Variants in BCKDHB observed in about 807,000 individuals in gnomAD.
BCKDHB encodes the protein 2-oxoisovalerate dehydrogenase subunit beta, mitochondrial.
BCKDHB carries 41 observed loss-of-function variants against 48.5 expected under a neutral mutation model. The ratio of observed to expected loss-of-function variants is 0.85; its 90% CI spans 0.66 to 1.10. BCKDHB has a LOEUF of 1.10. Among genes scored for constraint, BCKDHB ranks in the 50% least tolerant of loss-of-function variants. The pLI, the probability that BCKDHB is intolerant of heterozygous loss-of-function variation, is 0.00. For synonymous variants in BCKDHB, 201 were observed against 174.8 expected (o/e 1.15, Z -1.18); for missense variants, 496 against 494.2 (o/e 1.00, Z -0.03).
chr6:80,428,501 G>T, the BCKDHB span, among the ~76,000 whole-genome samples: 4 of 152,136 alleles, frequency 2.6e-5, no homozygotes, highest in Non-Finnish European at 4.4e-5. Flanking sequence ...GTGTGAAAGT[G>T]TTCCTATTTC....
At chr6:80,129,657 C>G (rs1274510199) in intron 3 of BCKDHB, among the ~76,000 whole-genome samples, 2 of 151,992 alleles carry the variant, frequency 1.3e-5, no homozygotes, top group African/African-American at 4.8e-5. Flanking sequence ...TTTTAAGGAA[C>G]TGGCTCATGT....
chr6:80,140,478 A>G (rs1052360140), intron 3 of BCKDHB, among the ~76,000 whole-genome samples: 1 of 152,180 alleles, frequency 6.6e-6, no homozygotes, highest in Admixed American at 6.5e-5. Flanking sequence ...GATACGTCCC[A>G]TGAATACCGA....
At chr6:80,163,545 T>C (rs928942268) in intron 3 of BCKDHB, among the ~76,000 whole-genome samples, 1 of 152,202 alleles carries the variant, frequency 6.6e-6, no homozygotes, top group African/African-American at 2.4e-5. Flanking sequence ...CCTGCTTGTC[T>C]TGTTAACATT....
At chr6:80,273,981 A>G (rs751005815) in intron 9 of BCKDHB, among the ~76,000 whole-genome samples, 1 of 152,060 alleles carries the variant, frequency 6.6e-6, no homozygotes, top group African/African-American at 2.4e-5. Flanking sequence ...TAAATTCAGA[A>G]TATCTTCGCA....
chr6:80,323,317 T>C (rs1490814618), intron 9 of BCKDHB, among the ~76,000 whole-genome samples: 1 of 152,244 alleles, frequency 6.6e-6, no homozygotes, highest in Non-Finnish European at 1.5e-5. Context: ...TTGTGTTGTT[T>C]GTGAACACAT....
At chr6:80,367,796 C>G in the BCKDHB span, among the ~76,000 whole-genome samples, 2 of 147,494 alleles carry the variant, frequency 1.4e-5, no homozygotes, top group Non-Finnish European at 3.0e-5. Context: ...ATTCTGTGAT[C>G]ATGAGACATC....
chr6:80,352,151 GT>G, the BCKDHB span, among the ~76,000 whole-genome samples: 20 of 147,378 alleles, frequency 1.4e-4, no homozygotes, highest in African/African-American at 4.0e-4. Context: ...TGTTGTTGTT[GT>G]TTTTTTTTTG....
the BCKDHB span, among the ~76,000 whole-genome samples, chr6:80,456,701 T>C: frequency 2.6e-5 from 4 of 152,328 alleles, no homozygotes; most frequent in South Asian, 8.3e-4. Context: ...TCACTTTGGG[T>C]ACTTGTTGAA....
intron 3 of BCKDHB, among the ~76,000 whole-genome samples, chr6:80,148,876 G>A (rs980549732): frequency 6.6e-6 from 1 of 152,034 alleles, no homozygotes; most frequent in African/African-American, 2.4e-5. Context: ...CTAGAAGAAA[G>A]CCTAGGCATT....
Position 80,258,221 on chromosome 6 carries a change from G to T in BCKDHB, c.952-14914G>T, listed in dbSNP as rs79040320. Among the ~76,000 whole-genome samples the T allele has an allele frequency of 5.8e-3, 880 of 152,234 alleles. 11 individuals carry two copies. The highest frequency in any genetic ancestry group is 0.02 in the African/African-American group (844 of 41,554). ...TGATTGACAAGGCACTGTTTCTGCTGAAAAGTTCAGAAGCATTCAAAGATC... is the reference window on the plus strand; with the variant it reads ...TGATTGACAAGGCACTGTTTCTGCTTAAAAGTTCAGAAGCATTCAAAGATC... On this transcript the variant is annotated intron_variant, in intron 8 of 9. Coordinates refer to ENST00000320393, the MANE Select transcript of BCKDHB (RefSeq NM_183050.4).
chr6:80,145,186 C>CT (rs1435701555), intron 3 of BCKDHB, among the ~76,000 whole-genome samples: 2 of 152,294 alleles, frequency 1.3e-5, no homozygotes, highest in South Asian at 2.1e-4. Flanking sequence ...CACATGGACT[C>CT]TATCTTTCTG....
At chr6:80,380,640 T>C in the BCKDHB span, among the ~76,000 whole-genome samples, 4 of 151,590 alleles carry the variant, frequency 2.6e-5, no homozygotes, top group Non-Finnish European at 5.9e-5. Context: ...AACAGAATAA[T>C]CAGACAACCC....
chr6:80,380,537 A>G, the BCKDHB span, among the ~76,000 whole-genome samples: 1 of 151,898 alleles, frequency 6.6e-6, no homozygotes. Flanking sequence ...GAAAGAATTT[A>G]TGATGAAACC....
At chr6:80,350,741 T>C (rs1212635848), downstream of BCKDHB, among the ~76,000 whole-genome samples, 1 of 152,250 alleles carries the variant, frequency 6.6e-6, no homozygotes, top group Non-Finnish European at 1.5e-5. Flanking sequence ...TCAGTGGCTA[T>C]AAAGAATTAG....
At chr6:80,272,556 T>C (rs1777791990) in intron 8 of BCKDHB, among the ~76,000 whole-genome samples, 1 of 152,192 alleles carries the variant, frequency 6.6e-6, no homozygotes, top group African/African-American at 2.4e-5. Flanking sequence ...GAATACGTAC[T>C]CATTGTTTGT....
At chr6:80,107,500 C>CAT (rs1324178229) in intron 1 of BCKDHB, among the ~76,000 whole-genome samples, 6 of 114,314 alleles carry the variant, frequency 5.2e-5, no homozygotes, top group South Asian at 2.8e-4. Context: ...CATATATATG[C>CAT]ATATATATGT....
the BCKDHB span, among the ~76,000 whole-genome samples, chr6:80,412,372 C>T: frequency 1.3e-5 from 2 of 152,002 alleles, no homozygotes; most frequent in Non-Finnish European, 2.9e-5. Context: ...GTCTTGAACT[C>T]CTGACCTCAA....
chr6:80,169,576 G>A (rs1267550231), intron 5 of BCKDHB, among the ~76,000 whole-genome samples: 1 of 151,816 alleles, frequency 6.6e-6, no homozygotes, highest in Non-Finnish European at 1.5e-5. Flanking sequence ...TTTATAACCT[G>A]TCTTTCACAA....
At chr6:80,185,468 T>C (rs908627399) in intron 6 of BCKDHB, among the ~76,000 whole-genome samples, 3 of 151,942 alleles carry the variant, frequency 2.0e-5, no homozygotes, top group African/African-American at 7.3e-5. Flanking sequence ...GGAGAGCGAG[T>C]GTGATCTTTT....
Sources: allele counts gnomAD v4.1 joint callset (sites outside exome capture counted in the v4.1 genomes callset), GRCh38; gene constraint gnomAD v4.1.1; transcripts MANE v1.5; gene names NCBI Gene and HGNC (gene_info 2026-07-23, HGNC 2026-07-21).